The following NALCN variants were observed in gnomAD, a reference collection of about 807,000 sequenced individuals.
NALCN encodes the protein sodium leak channel NALCN.
In NALCN, 111 loss-of-function variants were observed where a neutral mutation model predicts 225.3. The observed-to-expected ratio is 0.49, with a 90% CI of 0.42 to 0.58. The LOEUF (loss-of-function observed/expected upper bound fraction) is 0.58. Among genes scored for constraint, NALCN ranks in the 20% least tolerant of loss-of-function variants. The pLI, the probability that NALCN is intolerant of heterozygous loss-of-function variation, is 0.00. For synonymous variants in NALCN, 764 were observed against 769.0 expected (o/e 0.99, Z 0.11); for missense variants, 1,378 against 2,202.4 (o/e 0.63, Z 7.49).
At chr13:101,357,482 G>C (rs975709869) in intron 6 of NALCN, among the ~76,000 whole-genome samples, 3 of 152,104 alleles carry the variant, frequency 2.0e-5, no homozygotes, top group Admixed American at 1.3e-4. Context: ...TACAAAGGAC[G>C]TGAAGGACCT....
chr13:101,130,153 C>T (rs538028138), intron 17 of NALCN, among the ~76,000 whole-genome samples: 1 of 152,026 alleles, frequency 6.6e-6, no homozygotes, highest in African/African-American at 2.4e-5. Context: ...TCTATATCTC[C>T]TTTTTTCTCC....
chr13:101,224,323 T>C (rs1035013137), intron 13 of NALCN, among the ~76,000 whole-genome samples: 3 of 152,208 alleles, frequency 2.0e-5, no homozygotes. Flanking sequence ...GCTCCCATTA[T>C]ACATGCTAAT....
intron 15 of NALCN, among the ~76,000 whole-genome samples, chr13:101,157,621 G>A (rs2037968786): frequency 6.6e-6 from 1 of 152,028 alleles, no homozygotes; most frequent in African/African-American, 2.4e-5. Context: ...CTAACTTTTT[G>A]GTCAACTTTG....
At chr13:101,138,879 T>C (rs1441949769) in intron 17 of NALCN, among the ~76,000 whole-genome samples, 1 of 152,216 alleles carries the variant, frequency 6.6e-6, no homozygotes, top group Non-Finnish European at 1.5e-5. Flanking sequence ...GCTTGATTTC[T>C]TTCTGCTTGG....
At chr13:101,346,045 C>A (rs1420016100) in intron 6 of NALCN, among the ~76,000 whole-genome samples, 1 of 131,608 alleles carries the variant, frequency 7.6e-6, no homozygotes, top group African/African-American at 2.8e-5. Context: ...ATATATGAGA[C>A]CTTGAGAGAC....
intron 7 of NALCN, among the ~76,000 whole-genome samples, chr13:101,335,713 T>C (rs979723124): frequency 6.6e-6 from 1 of 151,978 alleles, no homozygotes; most frequent in African/African-American, 2.4e-5. Context: ...GGTGCTTTTT[T>C]TTTTTTGAAA....
At chr13:101,376,299 C>T (rs1361886577) in intron 6 of NALCN, among the ~76,000 whole-genome samples, 1 of 152,074 alleles carries the variant, frequency 6.6e-6, no homozygotes, top group African/African-American at 2.4e-5. Flanking sequence ...ATCTACTTTT[C>T]CACCAGGTTA....
At chr13:101,266,129 G>A (rs956439712) in intron 10 of NALCN, among the ~76,000 whole-genome samples, 7 of 152,254 alleles carry the variant, frequency 4.6e-5, no homozygotes, top group South Asian at 2.1e-4. Flanking sequence ...GCTGTAAAAC[G>A]AAAATAAATG....
At chr13:101,368,977 G>A in intron 6 of NALCN, 1 of 355,142 alleles carries the variant, frequency 2.8e-6, no homozygotes, top group South Asian at 2.2e-5. Context: ...CTGCACTCCA[G>A]CCTGGGTGTC....
At chr13:101,270,986 CAT>C (rs1042733380) in intron 10 of NALCN, among the ~76,000 whole-genome samples, 6 of 152,200 alleles carry the variant, frequency 3.9e-5, no homozygotes, top group South Asian at 4.1e-4. Flanking sequence ...TAAGTTAGCA[CAT>C]GTCTCCTAAT....
chr13:101,072,953 C>T (rs761938165), intron 37 of NALCN, among the ~76,000 whole-genome samples: 21 of 152,166 alleles, frequency 1.4e-4, no homozygotes, highest in Non-Finnish European at 2.2e-4. Context: ...GTCTGTCCTA[C>T]GGTGAGAAAG....
intron 6 of NALCN, among the ~76,000 whole-genome samples, chr13:101,356,474 G>A (rs116791659): frequency 0.033 from 4,915 of 151,132 alleles, 272 homozygotes; most frequent in African/African-American, 0.11. Flanking sequence ...TTGGACACAC[G>A]CACCCTCCCA....
chr13:101,139,278 T>C (rs1045031475), intron 17 of NALCN, among the ~76,000 whole-genome samples: 2 of 152,210 alleles, frequency 1.3e-5, no homozygotes, highest in African/African-American at 4.8e-5. Flanking sequence ...TAATGTGCTT[T>C]TGTGTTTTCT....
At chr13:101,357,792 A>G (rs1435683792) in intron 6 of NALCN, among the ~76,000 whole-genome samples, 1 of 152,148 alleles carries the variant, frequency 6.6e-6, no homozygotes, top group Non-Finnish European at 1.5e-5. Flanking sequence ...ACTATACTAC[A>G]AGGCTAGAGT....
chr13:101,401,945 A>G (rs2139519769), intron 1 of NALCN, among the ~76,000 whole-genome samples: 1 of 152,350 alleles, frequency 6.6e-6, no homozygotes, highest in Non-Finnish European at 1.5e-5. Flanking sequence ...AATTAATTTG[A>G]GGTGGTTGAT....
At chr13:101,255,559 T>C (rs2042203845) in intron 11 of NALCN, among the ~76,000 whole-genome samples, 1 of 152,210 alleles carries the variant, frequency 6.6e-6, no homozygotes. Flanking sequence ...CTGTAATCTC[T>C]TGTGGTCATT....
Position 101,103,329 on chromosome 13 carries a change from A to T in NALCN, c.2900T>A (p.Ile967Lys). The change falls in exon 26 of 44, where the codon ATA becomes AAA. Residue 967 changes from isoleucine (I) to lysine (K), a missense_variant. Physicochemically the swap from Ile to Lys is moderately radical, Grantham distance 102. Around this residue, in one of 19 missense-constraint regions of NALCN, gnomAD observed 292 missense variants for 409.5 expected, o/e 0.71. Transcript: ENST00000251127. ...ATTTTGAGGCATCCAACAAAGAAAT[A>T]TCAAGCTCACCTAAAGGGGAACAAA... ...MDIFIYLVSL[I>K]FLCWMPQNVP... is the part of the protein sequence containing the mutation. 6.2e-7 allele frequency: 1 copy of T among 1,611,088 alleles called. No individual in the cohort carries two copies. The highest frequency in any genetic ancestry group is 8.5e-7 in the Non-Finnish European group (1 of 1,179,130).
At chr13:101,063,410 G>A (rs1447385926) in intron 40 of NALCN, among the ~76,000 whole-genome samples, 1 of 152,194 alleles carries the variant, frequency 6.6e-6, no homozygotes, top group East Asian at 1.9e-4. Context: ...TAAATAGGAA[G>A]GGGAGAGACA....
At chr13:101,246,028 T>C (rs1030269993) in intron 11 of NALCN, among the ~76,000 whole-genome samples, 37 of 152,180 alleles carry the variant, frequency 2.4e-4, no homozygotes, top group African/African-American at 8.7e-4. Flanking sequence ...CTTGAGCTGC[T>C]GCTTGGGCTC....
Sources: allele counts gnomAD v4.1 joint callset (sites outside exome capture counted in the v4.1 genomes callset), GRCh38; gene constraint gnomAD v4.1.1; regional missense constraint gnomAD v4.1.1; transcripts MANE v1.5; gene names NCBI Gene and HGNC (gene_info 2026-07-23, HGNC 2026-07-21).